Variants in MVD observed in about 807,000 individuals in gnomAD.
MVD encodes diphosphomevalonate decarboxylase.
MVD carries 52 observed loss-of-function variants against 42.4 expected under a neutral mutation model. The ratio of observed to expected loss-of-function variants is 1.23; its 90% CI spans 0.98 to 1.55. The LOEUF is 1.55. Ranked by LOEUF, MVD falls within the 40% of genes most tolerant of loss-of-function variation. MVD has a pLI of 0.00. For synonymous variants in MVD, 287 were observed against 243.2 expected, an observed-to-expected ratio of 1.18 and a Z score of -1.68; for missense variants, 663 against 572.1, an observed-to-expected ratio of 1.16 and a Z score of -1.62.
Position 88,656,092 on chromosome 16 carries a change from C to A in MVD, c.603+13G>T. 1 of 1,576,762 alleles carries A rather than the reference C, an allele frequency of 6.3e-7. No homozygotes were observed. The highest frequency in any genetic ancestry group is 1.1e-5 in the South Asian group (1 of 89,122). On this transcript the variant is annotated intron_variant, in intron 5 of 9. Transcript: ENST00000301012. ...CCACCGGGCTGCTGCTCCACCCGCC[C>A]CACCCCACTCACCACAAGGATGAGC...
At chr16:88,653,206 G>C (rs757654481) in intron 9 of MVD, 94 bp downstream of exon 9, 33 of 936,068 alleles carry the variant, frequency 3.5e-5, no homozygotes, top group Admixed American at 5.6e-5. Flanking sequence ...TAGGGACAGG[G>C]AGCCGCGCTT....
chr16:88,652,478 G>A lies in MVD; in HGVS notation c.*47C>T, dbSNP rs1226806978. The A allele has an allele frequency of 1.9e-6, 3 of 1,544,718 alleles. No homozygotes were observed. The highest frequency in any genetic ancestry group is 2.7e-5 in the African/African-American group (2 of 73,066). On this transcript the variant is annotated 3_prime_UTR_variant, in exon 10 of 10. Transcript: ENST00000301012. Reference sequence around the variant, plus strand: ...CCACCACATCCGCTCCCTAGCTCCGGCGAGGCCACCCCTTCTCCAAGCGGC... The same window carrying A: ...CCACCACATCCGCTCCCTAGCTCCGACGAGGCCACCCCTTCTCCAAGCGGC...
Position 88,657,514 on chromosome 16 carries a change from T to G in MVD, c.325A>C (p.Lys109Gln). The change falls in exon 4 of 10, where the codon AAG becomes CAG. Residue 109 changes from lysine to glutamine, a missense_variant. Physicochemically the swap from Lys to Gln is moderately conservative, Grantham distance 53 (BLOSUM62 1). Transcript: ENST00000301012. ...TTGTTCACCGATGCCACGTGCACCT[T>G]GCAGCTGAGGCTGGAGGGCAGCGGG... ...GDPLPSSLSC[K>Q]VHVASVNNFP... is the part of the protein sequence containing the mutation. 2.5e-6 allele frequency: 4 copies of G among 1,612,762 alleles called. No individual in the cohort carries two copies. Among genetic ancestry groups the G allele is most frequent in the Non-Finnish European group, 2.5e-6 (3 of 1,179,902 alleles).
Position 88,652,096 on chromosome 16 carries a change from C to T in MVD, c.*429G>A, listed in dbSNP as rs896825936. On this transcript the variant is annotated 3_prime_UTR_variant, in exon 10 of 10. Transcript: ENST00000301012. ...AGAAGCGCCGTGGGCAGCCACCATC[C>T]GAGGCACTTGGTGGTTTCCTGAGGC... The T allele has an allele frequency of 1.7e-5, 4 of 236,928 alleles. No homozygotes were observed. Among genetic ancestry groups the T allele is most frequent in the African/African-American group, 9.4e-5 (4 of 42,508 alleles). The allele number at this position is 236,928 out of a possible 1,614,324, so 14.7% of individuals were successfully genotyped here. A position where few individuals can be genotyped will look rare whatever the true frequency, so the allele number is the denominator to read the frequency against.
At position 88,653,302 on chromosome 16, in the gene MVD, G is replaced by T; in HGVS notation, c.1120C>A (p.Gln374Lys). The change falls in exon 9 of 10, where the codon CAG becomes AAG. Residue 374 changes from glutamine (Q) to lysine (K), a missense_variant and splice_region_variant. Transcript: ENST00000301012. ...PGGVKYIIVT[Q>K]VGPGPQILDD... ...ACTGGGTGAGCCCCAGGCCTCACCT[G>T]AGTGACAATGATGTATTTGACCCCA... 6.3e-7 allele frequency: 1 copy of T among 1,598,032 alleles called. No homozygotes were observed.
intron 5 of MVD, 106 bp from the exon 6 acceptor site, chr16:88,655,836 T>C: frequency 7.5e-7 from 1 of 1,338,726 alleles, no homozygotes; most frequent in Non-Finnish European, 1.0e-6. Context: ...GCAGCGGGGG[T>C]GGGAGTCAGT....
chr16:88,653,250 C>T (rs1458603362), intron 9 of MVD, 50 bp downstream of exon 9: 2 of 1,494,828 alleles, frequency 1.3e-6, no homozygotes, highest in Non-Finnish European at 9.1e-7. Flanking sequence ...GGGCGGGCCC[C>T]CCTGGCAGGA....
In MVD at chr16:88,656,896, G is replaced by C. The variant is rs116634612; in HGVS notation, c.403+540C>G. The C allele has an allele frequency of 5.5e-3, 1,620 of 296,914 alleles. 32 individuals are homozygous for C. Among genetic ancestry groups the C allele is most frequent in the African/African-American group, 0.033 (1,488 of 44,948 alleles). The allele number at this position is 296,914 out of a possible 1,614,324, so 18.4% of individuals were successfully genotyped here. Reference sequence around the variant, plus strand: ...GTGAAGATGGTGTGAGACCACCACCGGGGGGACAGGCTCTGACAGTGGGTG... The same window carrying C: ...GTGAAGATGGTGTGAGACCACCACCCGGGGGACAGGCTCTGACAGTGGGTG... On this transcript the variant is annotated intron_variant, in intron 4 of 9. Coordinates refer to ENST00000301012, the MANE Select transcript of MVD (RefSeq NM_002461.3).
At chr16:88,661,529 T>C (rs1908290450) in intron 1 of MVD, among the ~76,000 whole-genome samples, 1 of 152,058 alleles carries the variant, frequency 6.6e-6, no homozygotes, top group Non-Finnish European at 1.5e-5. Context: ...CAGCCTAGAA[T>C]GTGTAATGAA....
At chr16:88,657,128 G>C (rs1217720194) in intron 4 of MVD, 6 of 413,780 alleles carry the variant, frequency 1.5e-5, no homozygotes, top group Non-Finnish European at 1.8e-5. Context: ...TTTTTGTAGA[G>C]ATGGGGGGGG....
Position 88,657,461 on chromosome 16 carries a change from G to A in MVD, c.378C>T (p.Ser126=). Residue 126 remains serine, a synonymous_variant, in exon 4 of 10, where the codon TCC becomes TCT. Transcript: ENST00000301012. The part of the protein sequence containing the change: ...NNFPTAAGLA[S]SAAGYACLAY... ...CTAGGCAGGCATAGCCCGCCGCTGA[G>A]GAGGCCAGGCCCGCAGCCGTGGGGA... 6.2e-7 allele frequency: 1 copy of A among 1,611,426 alleles called. No homozygotes were observed. The highest frequency in any genetic ancestry group is 1.1e-5 in the South Asian group (1 of 90,832).
rs374219427 is a variant in MVD at position 88,653,774 on chromosome 16, A to G, written c.1014-366T>C. Among the ~76,000 whole-genome samples the G allele has an allele frequency of 7.2e-5, 11 of 152,144 alleles. No homozygotes were observed. In the East Asian group the frequency reaches 1.5e-3, roughly 21 times the overall value. On this transcript the variant is annotated intron_variant, in intron 8 of 9. Coordinates refer to ENST00000301012, the MANE Select transcript of MVD (RefSeq NM_002461.3). The stretch of plus-strand genomic sequence containing the variant: ...GGGTAACAGCTCAGGGAAGCGCCCA[A>G]TTCAAGCTGGTGCGTTCGTCACCGT...
At chr16:88,658,790 GCCCCCAC>G in intron 1 of MVD, 70 bp from the exon 2 acceptor site, 1 of 1,263,366 alleles carries the variant, frequency 7.9e-7, no homozygotes, top group Non-Finnish European at 1.1e-6. Context: ...CCCCACAGGT[GCCCCCAC>G]CCCCCACCCA....
At position 88,663,052 on chromosome 16, in the gene MVD, A is replaced by T; in HGVS notation, c.29T>A (p.Val10Asp). The change falls in exon 1 of 10, where the codon GTC becomes GAC. Residue 10 changes from valine to aspartate, a missense_variant. Physicochemically the swap from Val to Asp is radical, Grantham distance 152 (BLOSUM62 -3). Transcript: ENST00000301012. MASEKPLAAVTCTAPVNIAV... is the reference protein window; with the variant it reads MASEKPLAADTCTAPVNIAV... ...GATGTTGACCGGCGCTGTACAAGTG[A>T]CTGCCGCCAGCGGCTTCTCCGAGGC... is the stretch of plus-strand genomic sequence containing the variant. 1.2e-6 allele frequency: 2 copies of T among 1,610,696 alleles called. No homozygotes were observed. Among genetic ancestry groups the T allele is most frequent in the Non-Finnish European group, 1.7e-6 (2 of 1,178,990 alleles).
intron 1 of MVD, among the ~76,000 whole-genome samples, chr16:88,662,517 C>T (rs984731033): frequency 1.4e-4 from 21 of 152,184 alleles, no homozygotes; most frequent in Non-Finnish European, 2.9e-4. Context: ...GGCCTGCGGG[C>T]CCCCCATTAC....
At chr16:88,657,783 C>A in intron 3 of MVD, 132 bp downstream of exon 3, 1 of 1,244,758 alleles carries the variant, frequency 8.0e-7, no homozygotes. Flanking sequence ...GAGCTGGCGG[C>A]CCAGCGGGCA....
chr16:88,656,838 T>G, intron 4 of MVD: 1 of 243,914 alleles, frequency 4.1e-6, no homozygotes, highest in Non-Finnish European at 8.2e-6. Context: ...GGAGCCCAGG[T>G]GGGCCAGGAA....
chr16:88,658,172 T>C lies in MVD; in HGVS notation c.142-143A>G, dbSNP rs556409224. The C allele has an allele frequency of 1.5e-4, 119 of 781,588 alleles. 2 individuals carry two copies. In the South Asian group the frequency reaches 1.9e-3, roughly 12 times the overall value. The allele number at this position is 781,588 out of a possible 1,614,324, so 48.4% of individuals were successfully genotyped here. A position where few individuals can be genotyped will look rare whatever the true frequency, so the allele number is the denominator to read the frequency against. On this transcript the variant is annotated intron_variant, in intron 2 of 9. Transcript: ENST00000301012. ...GAGGGCAGGGGGGGAAAGGCCAGTC[T>C]CAGCTGGGCAGTGGGGAAGCCCGTG... is the stretch of plus-strand genomic sequence containing the variant.
chr16:88,658,415 T>C lies in MVD; in HGVS notation c.141+235A>G, dbSNP rs145926134. ...CGCTAGGCCATCTCATCCTAGCCTT[T>C]AGGTAAAAAAGTACCAATTTTTTTT... On this transcript the variant is annotated intron_variant, in intron 2 of 9. Coordinates refer to ENST00000301012, the MANE Select transcript of MVD (RefSeq NM_002461.3). Among the ~76,000 whole-genome samples the C allele has an allele frequency of 6.9e-3, 1,047 of 152,212 alleles. 5 individuals carry two copies. The highest frequency in any genetic ancestry group is 9.8e-3 in the Non-Finnish European group (664 of 67,978).
Sources: allele counts gnomAD v4.1 joint callset (sites outside exome capture counted in the v4.1 genomes callset), GRCh38; gene constraint gnomAD v4.1.1; transcripts MANE v1.5; gene names NCBI Gene and HGNC (gene_info 2026-07-23, HGNC 2026-07-21).